Variants in LRRC4C observed in about 807,000 individuals in gnomAD.
LRRC4C encodes the protein leucine-rich repeat-containing protein 4C.
In LRRC4C, 5 loss-of-function variants were observed where a neutral mutation model predicts 33.6. That is an observed-to-expected ratio of 0.15 (90% CI 0.08 to 0.31). The LOEUF is 0.31. Among genes scored for constraint, LRRC4C ranks in the 10% least tolerant of loss-of-function variants. LRRC4C has a pLI of 1.00. For synonymous variants in LRRC4C, 329 were observed against 302.0 expected (o/e 1.09, Z -0.93); for missense variants, 560 against 796.7 (o/e 0.70, Z 3.58).
At chr11:41,399,198 T>A (rs747860614) in intron 1 of LRRC4C, among the ~76,000 whole-genome samples, 4 of 151,962 alleles carry the variant, frequency 2.6e-5, no homozygotes, top group Admixed American at 6.6e-5. Flanking sequence ...ATGGAGTTGA[T>A]TTAAGGTTTA....
intron 2 of LRRC4C, among the ~76,000 whole-genome samples, chr11:40,673,085 T>C (rs1441849360): frequency 1.3e-5 from 2 of 152,122 alleles, no homozygotes; most frequent in East Asian, 3.8e-4. Context: ...ATTATGCATA[T>C]TATTTAATGG....
intron 4 of LRRC4C, among the ~76,000 whole-genome samples, chr11:40,318,745 C>T: frequency 6.6e-6 from 1 of 152,114 alleles, no homozygotes; most frequent in East Asian, 1.9e-4. Flanking sequence ...AATAACTTAA[C>T]AGTATGCCTC....
intron 5 of LRRC4C, among the ~76,000 whole-genome samples, chr11:40,148,119 A>G (rs1857897716): frequency 6.6e-6 from 1 of 152,182 alleles, no homozygotes; most frequent in Admixed American, 6.5e-5. Context: ...CCAATCTACC[A>G]TTGATAGGCA....
chr11:40,120,118 G>A (rs2134646161), intron 6 of LRRC4C, among the ~76,000 whole-genome samples: 1 of 152,280 alleles, frequency 6.6e-6, no homozygotes, highest in African/African-American at 2.4e-5. Context: ...CCTGCCTCCT[G>A]GGAGCTGTGA....
intron 1 of LRRC4C, among the ~76,000 whole-genome samples, chr11:40,941,515 A>G (rs1176781940): frequency 1.3e-5 from 2 of 152,182 alleles, no homozygotes; most frequent in Non-Finnish European, 2.9e-5. Flanking sequence ...GATCATAAGC[A>G]TGGAAACTCA....
chr11:40,433,998 T>C (rs768135797), intron 3 of LRRC4C, among the ~76,000 whole-genome samples: 4 of 152,206 alleles, frequency 2.6e-5, no homozygotes, highest in South Asian at 2.1e-4. Context: ...AAGACTGTGT[T>C]CAGGCTCAAT....
intron 3 of LRRC4C, among the ~76,000 whole-genome samples, chr11:40,457,201 A>G (rs529012976): frequency 6.6e-6 from 1 of 152,048 alleles, no homozygotes; most frequent in African/African-American, 2.4e-5. Context: ...AACAAATCAC[A>G]TGTTGATTGA....
chr11:40,196,057 A>G (rs1291255125), intron 5 of LRRC4C, among the ~76,000 whole-genome samples: 2 of 152,242 alleles, frequency 1.3e-5, no homozygotes, highest in African/African-American at 2.4e-5. Context: ...TCCCAGAAAG[A>G]CATTTGTTTG....
chr11:41,192,896 G>A (rs575846392), intron 1 of LRRC4C, among the ~76,000 whole-genome samples: 15 of 152,152 alleles, frequency 9.9e-5, no homozygotes, highest in African/African-American at 1.4e-4. Context: ...CATAAGTCCC[G>A]AGATGCCATT....
chr11:40,631,486 A>C (rs1018492053), intron 3 of LRRC4C, among the ~76,000 whole-genome samples: 3 of 152,268 alleles, frequency 2.0e-5, no homozygotes, highest in Middle Eastern at 3.4e-3. Context: ...ATGGCTGCAA[A>C]ATAGGAAAGG....
intron 5 of LRRC4C, among the ~76,000 whole-genome samples, chr11:40,208,978 T>C (rs940821953): frequency 6.6e-6 from 1 of 151,936 alleles, no homozygotes; most frequent in African/African-American, 2.4e-5. Context: ...TGTGTGTGTG[T>C]GTTTCTTCCT....
At chr11:41,110,991 G>A (rs991866611) in intron 1 of LRRC4C, among the ~76,000 whole-genome samples, 1 of 151,484 alleles carries the variant, frequency 6.6e-6, no homozygotes, top group East Asian at 1.9e-4. Flanking sequence ...TGCATTTCTA[G>A]GAAGTTCTCA....
At chr11:41,338,234 A>G (rs1422986088) in intron 1 of LRRC4C, among the ~76,000 whole-genome samples, 3 of 152,242 alleles carry the variant, frequency 2.0e-5, no homozygotes, top group Non-Finnish European at 2.9e-5. Context: ...CTATAAAGAT[A>G]CATGCACACA....
chr11:40,116,359 C>G (rs1248637641), intron 6 of LRRC4C, 25 bp from the exon 7 acceptor site: 1 of 1,515,430 alleles, frequency 6.6e-7, no homozygotes, highest in African/African-American at 1.4e-5. Flanking sequence ...CAAAAAAAAC[C>G]AATTATTAGA....
chr11:41,002,868 C>A (rs1268728340), intron 1 of LRRC4C, among the ~76,000 whole-genome samples: 2 of 151,936 alleles, frequency 1.3e-5, no homozygotes, highest in Non-Finnish European at 1.5e-5. Context: ...GATGGTTATA[C>A]CTTTTAAAAT....
rs534097059 is a variant in LRRC4C, at chr11:40,270,741, C to T, written c.-175-29143G>A. On this transcript the variant is annotated intron_variant, in intron 4 of 6. Coordinates refer to ENST00000528697, the MANE Select transcript of LRRC4C (RefSeq NM_001258419.2). Reference sequence around the variant, plus strand: ...GACTTCTATTTTCACACAGTTGCTCCTTGCACAGTTCATTGAAAGCTGGCA... The same window carrying T: ...GACTTCTATTTTCACACAGTTGCTCTTTGCACAGTTCATTGAAAGCTGGCA... 2.4e-4 allele frequency among the ~76,000 whole-genome samples: 36 copies of T among 152,194 alleles called. 1 individual carries two copies. In the South Asian group the frequency reaches 7.3e-3, roughly 31 times the overall value.
chr11:40,162,249 C>T (rs935709236), intron 5 of LRRC4C, among the ~76,000 whole-genome samples: 8 of 152,046 alleles, frequency 5.3e-5, no homozygotes, highest in African/African-American at 1.9e-4. Context: ...ACTTAGTCTG[C>T]TTGACCTTCA....
chr11:40,910,421 C>T (rs911815005), intron 2 of LRRC4C, among the ~76,000 whole-genome samples: 1 of 152,176 alleles, frequency 6.6e-6, no homozygotes, highest in Non-Finnish European at 1.5e-5. Flanking sequence ...GGAAATACAG[C>T]TAACACATAT....
intron 1 of LRRC4C, among the ~76,000 whole-genome samples, chr11:41,375,673 G>A (rs571743500): frequency 6.6e-6 from 1 of 152,148 alleles, no homozygotes; most frequent in East Asian, 1.9e-4. Flanking sequence ...GCCAAACTGG[G>A]ATATCACAAT....
Sources: gnomAD v4.1 joint callset for allele counts (sites outside exome capture counted in the v4.1 genomes callset) on GRCh38, gnomAD v4.1.1 for gene constraint, MANE v1.5 for transcripts, NCBI Gene and HGNC (gene_info 2026-07-23, HGNC 2026-07-21) for gene names.